Variants in GRIK1 observed in about 807,000 individuals in gnomAD.
GRIK1 encodes glutamate receptor ionotropic, kainate 1.
GRIK1 carries 69 observed loss-of-function variants against 105.7 expected under a neutral mutation model. The ratio of observed to expected loss-of-function variants is 0.65; its 90% CI spans 0.54 to 0.80. The LOEUF (loss-of-function observed/expected upper bound fraction) is 0.80, where lower values mean the gene tolerates loss of function less well. GRIK1 is among the 30% of genes least tolerant of loss of function. GRIK1 has a pLI of 0.00. For synonymous variants in GRIK1, 438 were observed against 431.3 expected (o/e 1.02, Z -0.19); for missense variants, 1,109 against 1,167.3 (o/e 0.95, Z 0.73).
chr21:29,705,298 A>G (rs912910388), intron 1 of GRIK1, among the ~76,000 whole-genome samples: 1 of 152,196 alleles, frequency 6.6e-6, no homozygotes, highest in African/African-American at 2.4e-5. Flanking sequence ...TTATACATAG[A>G]GAGTTTAGTG....
intron 1 of GRIK1, among the ~76,000 whole-genome samples, chr21:29,856,603 A>C (rs1489923858): frequency 6.6e-6 from 1 of 152,208 alleles, no homozygotes; most frequent in Admixed American, 6.5e-5. Context: ...GACACTGTCT[A>C]AGCACCGATG....
At chr21:29,627,810 T>G (rs1207233680) in intron 7 of GRIK1, among the ~76,000 whole-genome samples, 5 of 152,224 alleles carry the variant, frequency 3.3e-5, no homozygotes, top group Admixed American at 6.5e-5. Flanking sequence ...CAAACTTTCC[T>G]TTTGTTAACA....
intron 6 of GRIK1, among the ~76,000 whole-genome samples, chr21:29,648,919 C>A (rs34014438): frequency 6.6e-6 from 1 of 152,126 alleles, no homozygotes; most frequent in Non-Finnish European, 1.5e-5. Context: ...CCCAATGAAA[C>A]TGAAACCAAA....
chr21:29,647,734 A>C (rs1053017819), intron 6 of GRIK1, among the ~76,000 whole-genome samples: 1 of 152,236 alleles, frequency 6.6e-6, no homozygotes, highest in Non-Finnish European at 1.5e-5. Context: ...ATTGCTGAGA[A>C]AAATGTAAAC....
chr21:29,556,251 C>T (rs571689086), intron 15 of GRIK1, among the ~76,000 whole-genome samples: 50 of 152,256 alleles, frequency 3.3e-4, no homozygotes, highest in Non-Finnish European at 5.6e-4. Flanking sequence ...TTCATAGCTC[C>T]GCCTGTAACC....
At chr21:29,907,362 TAATC>T (rs1371811764) in intron 1 of GRIK1, among the ~76,000 whole-genome samples, 1 of 152,106 alleles carries the variant, frequency 6.6e-6, no homozygotes, top group Non-Finnish European at 1.5e-5. Context: ...TTTTGTAAAA[TAATC>T]AATGTTCTAG....
At chr21:29,610,795 G>GA (rs200950311) in intron 7 of GRIK1, among the ~76,000 whole-genome samples, 22 of 150,452 alleles carry the variant, frequency 1.5e-4, no homozygotes, top group Non-Finnish European at 2.5e-4. Flanking sequence ...GCCAGTAAGA[G>GA]AAAAAAAAAA....
intron 1 of GRIK1, among the ~76,000 whole-genome samples, chr21:29,784,648 T>C (rs2066212118): frequency 6.6e-6 from 1 of 152,310 alleles, no homozygotes; most frequent in Non-Finnish European, 1.5e-5. Context: ...TAATAAAAGA[T>C]GTGTTTACAG....
chr21:29,577,829 A>AAACAGCATTTTATT (rs1426919896), intron 13 of GRIK1, among the ~76,000 whole-genome samples: 2 of 152,222 alleles, frequency 1.3e-5, no homozygotes, highest in Admixed American at 6.5e-5. Context: ...ACTTCAATAA[A>AAACAGCATTTTATT]ATGCTGTTTC....
chr21:29,710,952 T>A (rs961206466), intron 1 of GRIK1, among the ~76,000 whole-genome samples: 2 of 151,888 alleles, frequency 1.3e-5, no homozygotes, highest in East Asian at 3.9e-4. Context: ...AACCCATTCT[T>A]GGATTGTCGC....
At chr21:29,856,521 T>C (rs1322524541) in intron 1 of GRIK1, among the ~76,000 whole-genome samples, 1 of 152,204 alleles carries the variant, frequency 6.6e-6, no homozygotes, top group African/African-American at 2.4e-5. Context: ...ATCCCAGTGC[T>C]GCATTTTTGC....
intron 1 of GRIK1, among the ~76,000 whole-genome samples, chr21:29,832,135 AG>A (rs2067659948): frequency 6.6e-6 from 1 of 152,216 alleles, no homozygotes; most frequent in Admixed American, 6.5e-5. Flanking sequence ...TCTCACATCC[AG>A]GCCACACTGA....
chr21:29,776,880 C>T (rs1286544966), intron 1 of GRIK1, among the ~76,000 whole-genome samples: 1 of 152,004 alleles, frequency 6.6e-6, no homozygotes, highest in Non-Finnish European at 1.5e-5. Flanking sequence ...AATTATTGTT[C>T]TGGGACTGTG....
chr21:29,790,764 C>G (rs1377349963), intron 1 of GRIK1, among the ~76,000 whole-genome samples: 1 of 152,154 alleles, frequency 6.6e-6, no homozygotes, highest in Non-Finnish European at 1.5e-5. Flanking sequence ...AGTAGATTCA[C>G]CTTATTCACC....
At chr21:29,637,110 G>A (rs1212110804) in intron 7 of GRIK1, among the ~76,000 whole-genome samples, 1 of 152,182 alleles carries the variant, frequency 6.6e-6, no homozygotes, top group Non-Finnish European at 1.5e-5. Flanking sequence ...ATAGACAAAT[G>A]TGTTTGCATT....
chr21:29,634,407 T>G (rs1003034525), intron 7 of GRIK1, among the ~76,000 whole-genome samples: 3 of 152,248 alleles, frequency 2.0e-5, no homozygotes, highest in Non-Finnish European at 4.4e-5. Flanking sequence ...TTTTTCATTC[T>G]TATGCAGTAA....
chr21:29,596,950 C>A (rs1568865179), intron 8 of GRIK1, among the ~76,000 whole-genome samples: 1 of 151,992 alleles, frequency 6.6e-6, no homozygotes, highest in Non-Finnish European at 1.5e-5. Context: ...GCAAATCAAT[C>A]AATACACACA....
At chr21:29,897,428 G>T (rs116658931) in intron 1 of GRIK1, among the ~76,000 whole-genome samples, 2 of 152,312 alleles carry the variant, frequency 1.3e-5, no homozygotes, top group East Asian at 3.9e-4. Context: ...TGGAGAAAAT[G>T]AAGAAATTGG....
intron 1 of GRIK1, among the ~76,000 whole-genome samples, chr21:29,705,131 G>A (rs1277146706): frequency 6.6e-6 from 1 of 152,122 alleles, no homozygotes; most frequent in African/African-American, 2.4e-5. Flanking sequence ...TTCTTCTTCT[G>A]TATTTCTGTT....
Sources: allele counts gnomAD v4.1 joint callset (sites outside exome capture counted in the v4.1 genomes callset), GRCh38; gene constraint gnomAD v4.1.1; transcripts MANE v1.5; gene names NCBI Gene and HGNC (gene_info 2026-07-23, HGNC 2026-07-21).